The following DNAI7 variants were observed in gnomAD, a reference collection of about 807,000 sequenced individuals.
DNAI7 encodes dynein axonemal intermediate chain 7, also known as cancer susceptibility 1.
In DNAI7, 78 loss-of-function variants were observed where a neutral mutation model predicts 86.6. The ratio of observed to expected loss-of-function variants is 0.90; its 90% confidence interval spans 0.75 to 1.09. The LOEUF is 1.09. Ranked by LOEUF, DNAI7 falls within the 50% of genes least tolerant of loss-of-function variation. The probability of loss-of-function intolerance (pLI) is 0.00; values close to 1 mark genes in which losing one functional copy is unlikely to be tolerated. For synonymous variants in DNAI7, 274 were observed against 273.0 expected, an observed-to-expected ratio of 1.00 and a Z score of -0.04; for missense variants, 753 against 810.2, an observed-to-expected ratio of 0.93 and a Z score of 0.86.
chr12:25,127,085 CT>C (rs1371764395), intron 9 of DNAI7, among the ~76,000 whole-genome samples: 1 of 135,450 alleles, frequency 7.4e-6, no homozygotes, highest in East Asian at 2.9e-4. Flanking sequence ...TTGTACTACT[CT>C]TTAGCTCAAT....
chr12:25,184,887 C>G (rs1949885680), intron 2 of DNAI7, among the ~76,000 whole-genome samples: 1 of 150,878 alleles, frequency 6.6e-6, no homozygotes, highest in South Asian at 2.1e-4. Flanking sequence ...AATTCCAGCA[C>G]TTCGGGAGGT....
At chr12:25,162,137 G>C (rs1946899986) in intron 2 of DNAI7, among the ~76,000 whole-genome samples, 1 of 151,196 alleles carries the variant, frequency 6.6e-6, no homozygotes, top group Non-Finnish European at 1.5e-5. Flanking sequence ...GAAGGTGCAA[G>C]ATAGGGAGCT....
chr12:25,160,795 A>C (rs1002031139), intron 3 of DNAI7, among the ~76,000 whole-genome samples: 13 of 152,100 alleles, frequency 8.5e-5, no homozygotes, highest in Admixed American at 7.9e-4. Context: ...TATTTAAAAC[A>C]ATTTTTTTTT....
At chr12:25,189,523 T>C (rs1260501642) in intron 2 of DNAI7, among the ~76,000 whole-genome samples, 1 of 151,780 alleles carries the variant, frequency 6.6e-6, no homozygotes, top group Non-Finnish European at 1.5e-5. Flanking sequence ...GTGCCTGTAA[T>C]CCCAGCTAAT....
chr12:25,157,234 T>C (rs7397590), intron 4 of DNAI7, among the ~76,000 whole-genome samples: 44,513 of 141,944 alleles, frequency 0.31, 7,302 homozygotes, highest in Admixed American at 0.38. Context: ...GCAGAGATTG[T>C]GCCACTGCAC....
chr12:25,178,229 A>G (rs941908375), intron 2 of DNAI7, among the ~76,000 whole-genome samples: 3 of 152,184 alleles, frequency 2.0e-5, no homozygotes, highest in Non-Finnish European at 2.9e-5. Context: ...AGACTTATGG[A>G]CCTAGAATTT....
At chr12:25,158,683 T>C (rs745907271) in intron 3 of DNAI7, 120 bp from the exon 4 acceptor site, 1 of 1,501,986 alleles carries the variant, frequency 6.7e-7, no homozygotes. Context: ...GTCACAGTCT[T>C]TATTACATGG....
chr12:25,136,220 T>C (rs11047857), intron 9 of DNAI7, among the ~76,000 whole-genome samples: 17,586 of 152,234 alleles, frequency 0.12, 1,369 homozygotes, highest in Admixed American at 0.16. Flanking sequence ...GCCCTGAAGA[T>C]GAATTACATC....
At chr12:25,190,660 C>A in intron 1 of DNAI7, 29 bp from the exon 2 acceptor site, 2 of 1,342,758 alleles carry the variant, frequency 1.5e-6, no homozygotes, top group South Asian at 1.5e-5. Flanking sequence ...AAGAATTGAT[C>A]AATTTTAAAG....
At chr12:25,194,987 A>C (rs765752007) in intron 1 of DNAI7, 89 bp downstream of exon 1, 1 of 1,614,140 alleles carries the variant, frequency 6.2e-7, no homozygotes, top group South Asian at 1.1e-5. Flanking sequence ...GCTGTAAAAT[A>C]TGACTGGCTC....
intron 2 of DNAI7, among the ~76,000 whole-genome samples, chr12:25,173,698 AC>A (rs1212850168): frequency 6.6e-6 from 1 of 151,826 alleles, no homozygotes; most frequent in African/African-American, 2.4e-5. Flanking sequence ...CGTGGAACCA[AC>A]CCAAATGCCC....
downstream of DNAI7, chr12:25,107,777 AATTACCG>A (rs1367871491): frequency 6.3e-7 from 1 of 1,592,674 alleles, no homozygotes. Flanking sequence ...TCTAATGACA[AATTACCG>A]ATTACCAAAT....
At chr12:25,107,932 C>T, downstream of DNAI7, 1 of 1,614,168 alleles carries the variant, frequency 6.2e-7, no homozygotes, top group South Asian at 1.1e-5. Context: ...GATGAGCTTC[C>T]TCACAGGCCA....
intron 11 of DNAI7, among the ~76,000 whole-genome samples, chr12:25,119,962 C>T (rs749080324): frequency 2.6e-5 from 4 of 151,996 alleles, no homozygotes; most frequent in Non-Finnish European, 5.9e-5. Flanking sequence ...TGAGGAAAGC[C>T]TCTTTGTTGC....
chr12:25,191,743 T>C (rs2141403539), intron 1 of DNAI7, among the ~76,000 whole-genome samples: 1 of 152,272 alleles, frequency 6.6e-6, no homozygotes, highest in Non-Finnish European at 1.5e-5. Flanking sequence ...AAAGCTATGA[T>C]AAAATGAAGA....
At chr12:25,170,043 C>T (rs1274382655) in intron 2 of DNAI7, among the ~76,000 whole-genome samples, 1 of 151,988 alleles carries the variant, frequency 6.6e-6, no homozygotes, top group African/African-American at 2.4e-5. Flanking sequence ...ACAAAATAAA[C>T]TTTAAAGCAA....
At chr12:25,174,651 A>ATATAT (rs1491372855) in intron 2 of DNAI7, among the ~76,000 whole-genome samples, 1 of 121,756 alleles carries the variant, frequency 8.2e-6, no homozygotes, top group Non-Finnish European at 1.7e-5. Context: ...TATGGAATAT[A>ATATAT]GATATCATAT....
chr12:25,188,608 A>T (rs1465188395), intron 2 of DNAI7, among the ~76,000 whole-genome samples: 1 of 151,694 alleles, frequency 6.6e-6, no homozygotes, highest in Non-Finnish European at 1.5e-5. Context: ...CGGGAGGCGA[A>T]GGTTGCAGTA....
In DNAI7 at chr12:25,149,624, T is replaced by C; in HGVS notation, c.585+4A>G. ...TTAATATATAAGCAAAATATCACAC[T>C]TACTTTGAGAAGTATTTCTGTGGCT... On this transcript the variant is annotated splice_donor_region_variant and intron_variant, in intron 7 of 15. Transcript: ENST00000395987. 1 of 1,595,568 alleles carries C rather than the reference T, an allele frequency of 6.3e-7. No individual in the cohort carries two copies. Among genetic ancestry groups the C allele is most frequent in the Non-Finnish European group, 8.5e-7 (1 of 1,170,664 alleles).
Sources: allele counts gnomAD v4.1 joint callset (sites outside exome capture counted in the v4.1 genomes callset), GRCh38; gene constraint gnomAD v4.1.1; transcripts MANE v1.5; gene names NCBI Gene and HGNC (gene_info 2026-07-23, HGNC 2026-07-21).